NLRP13: variants seen among roughly 807,000 people sequenced by gnomAD.
NLRP13 encodes NACHT, LRR and PYD domains-containing protein 13.
A neutral mutation model predicts 94.4 loss-of-function variants in NLRP13; 82 were observed. The observed-to-expected ratio is 0.87, with a 90% CI of 0.73 to 1.04. The LOEUF (loss-of-function observed/expected upper bound fraction) is 1.04, where lower values mean the gene tolerates loss of function less well. Ranked by LOEUF, NLRP13 falls within the 50% of genes least tolerant of loss-of-function variation. The pLI, the probability that NLRP13 is intolerant of heterozygous loss-of-function variation, is 0.00. For missense variants in NLRP13, 1,426 were observed against 1,230.8 expected (o/e 1.16, Z -2.37); for synonymous variants, 553 against 464.7 (o/e 1.19, Z -2.45).
rs74834203 is a variant in NLRP13 at position 55,932,252 on chromosome 19, G to A, written c.60C>T (p.Tyr20=). 2.2e-5 allele frequency: 35 copies of A among 1,612,480 alleles called. No individual in the cohort carries two copies. In the East Asian group the frequency reaches 6.7e-4, roughly 31 times the overall value. ...NGGTNQGLLP[Y]LMALDQYQLE... ...GCTGATACTGATCCAGGGCCATCAGGTAAGGCAGAAGCCCTTGGTTGGTAC... is the reference window on the plus strand; with the variant it reads ...GCTGATACTGATCCAGGGCCATCAGATAAGGCAGAAGCCCTTGGTTGGTAC... Residue 20 remains tyrosine, a synonymous_variant, in exon 1 of 11, where the codon TAC becomes TAT. Coordinates refer to ENST00000342929, the MANE Select transcript of NLRP13 (RefSeq NM_176810.2).
intron 8 of NLRP13, among the ~76,000 whole-genome samples, chr19:55,904,173 A>T (rs1600262142): frequency 6.6e-6 from 1 of 151,976 alleles, no homozygotes; most frequent in Non-Finnish European, 1.5e-5. Flanking sequence ...GCTCACTGAA[A>T]CCTTCACCTC....
chr19:55,902,230 G>A, intron 8 of NLRP13, 25 bp from the exon 9 acceptor site: 1 of 1,608,990 alleles, frequency 6.2e-7, no homozygotes. Flanking sequence ...CCACAGAGAT[G>A]GACACTCAGG....
intron 9 of NLRP13, among the ~76,000 whole-genome samples, chr19:55,899,504 G>A (rs957443692): frequency 4.0e-5 from 6 of 151,654 alleles, no homozygotes; most frequent in South Asian, 2.1e-4. Flanking sequence ...AGGTTTGGCC[G>A]GGCACGGTGG....
Position 55,923,944 on chromosome 19 carries a change from G to A in NLRP13, c.493C>T (p.Gln165Ter), listed in dbSNP as rs769692236. ...TCCTCTAGCATCTCTGGTTCTTCTT[G>A]GTTTGGATCTTGGCATCCCTGGGCC... The part of the protein sequence containing the change: ...VQAQGCQDPN[Q>*]EEPEMLEEAD... The change falls in exon 4 of 11, where the codon CAA (glutamine) becomes TAA (stop). Residue 165 changes from glutamine to a stop codon, truncating the protein, a stop_gained. Transcript: ENST00000342929. LOFTEE classifies it high-confidence loss of function. The A allele has an allele frequency of 1.9e-6, 3 of 1,613,658 alleles. No individual in the cohort carries two copies. The highest frequency in any genetic ancestry group is 1.7e-5 in the Admixed American group (1 of 59,978).
Position 55,896,023 on chromosome 19 carries a change from A to G in NLRP13, c.3054T>C (p.Asn1018=). ...TCTTGACACCATCAGTATCCAATTC[A>G]TTGCCTAGAAGGTTCAGATTGACCA... is the stretch of plus-strand genomic sequence containing the variant. ...KSLVNLNLLG[N]ELDTDGVKML... is the part of the protein sequence containing the mutation. The change falls in exon 11 of 11, where the codon AAT becomes AAC. Residue 1018 remains asparagine, a synonymous_variant. Transcript: ENST00000342929. 2.5e-6 allele frequency: 4 copies of G among 1,614,202 alleles called. No homozygotes were observed. Among genetic ancestry groups the G allele is most frequent in the Non-Finnish European group, 2.5e-6 (3 of 1,180,012 alleles).
At chr19:55,921,994 C>T (rs1160220033) in intron 4 of NLRP13, among the ~76,000 whole-genome samples, 1 of 152,196 alleles carries the variant, frequency 6.6e-6, no homozygotes, top group Non-Finnish European at 1.5e-5. Flanking sequence ...GTTTGATGGA[C>T]TCACAGTTCC....
Position 55,929,023 on chromosome 19 carries a change from A to G in NLRP13, c.319+2970T>C, listed in dbSNP as rs142897026. Reference sequence around the variant, plus strand: ...ACATTTATGCAGCCAACAAACATGAAAAAAAGCTCATCGTCACTGGTTATT... The same window carrying G: ...ACATTTATGCAGCCAACAAACATGAGAAAAAGCTCATCGTCACTGGTTATT... On this transcript the variant is annotated intron_variant, in intron 1 of 10. Transcript: ENST00000342929. Among the ~76,000 whole-genome samples the G allele has an allele frequency of 7.3e-3, 1,117 of 152,362 alleles. 18 individuals carry two copies. Among genetic ancestry groups the G allele is most frequent in the African/African-American group, 0.025 (1,059 of 41,580 alleles).
At chr19:55,899,588 T>A (rs972261449) in intron 9 of NLRP13, among the ~76,000 whole-genome samples, 3 of 152,008 alleles carry the variant, frequency 2.0e-5, no homozygotes, top group Non-Finnish European at 4.4e-5. Context: ...GAGACCAGCC[T>A]GCCCAACATG....
intron 4 of NLRP13, among the ~76,000 whole-genome samples, chr19:55,914,708 GA>G (rs1210244187): frequency 2.0e-5 from 3 of 152,164 alleles, no homozygotes; most frequent in Non-Finnish European, 4.4e-5. Flanking sequence ...ACAAATGATA[GA>G]ATTTGTGTTG....
chr19:55,900,616 A>AAAT (rs1169660350), intron 9 of NLRP13, among the ~76,000 whole-genome samples: 1 of 151,404 alleles, frequency 6.6e-6, no homozygotes, highest in African/African-American at 2.4e-5. Flanking sequence ...CTAAAAAAAA[A>AAAT]ATACAAAAAA....
chr19:55,904,923 G>A lies in NLRP13; in HGVS notation c.2618+19C>T, dbSNP rs760731319. On this transcript the variant is annotated intron_variant, in intron 8 of 10. Coordinates refer to ENST00000342929, the MANE Select transcript of NLRP13 (RefSeq NM_176810.2). Reference sequence around the variant, plus strand: ...TGCCCATAGAGTCATATCTAGAAATGGAAGTAGGGAAAACTTACTCCAGTC... The same window carrying A: ...TGCCCATAGAGTCATATCTAGAAATAGAAGTAGGGAAAACTTACTCCAGTC... 1 of 1,604,034 alleles carries A rather than the reference G, an allele frequency of 6.2e-7. No homozygotes were observed. The highest frequency in any genetic ancestry group is 8.5e-7 in the Non-Finnish European group (1 of 1,171,910).
At position 55,927,943 on chromosome 19, in the gene NLRP13, C is replaced by A. The variant is rs141130025; in HGVS notation, c.320-2908G>T. 9.9e-5 allele frequency among the ~76,000 whole-genome samples: 15 copies of A among 152,182 alleles called. No individual in the cohort carries two copies. The East Asian group carries it at 1.9e-3, about 20-fold the overall frequency. On this transcript the variant is annotated intron_variant, in intron 1 of 10. Coordinates refer to ENST00000342929, the MANE Select transcript of NLRP13 (RefSeq NM_176810.2). ...GGGTCCCTGTATACACAGTTGTGTC[C>A]GCAAACTCACTCTCAGATGCATATC...
intron 8 of NLRP13, 97 bp downstream of exon 8, chr19:55,904,845 T>G: frequency 1.9e-6 from 2 of 1,029,932 alleles, no homozygotes; most frequent in South Asian, 2.3e-5. Context: ...GAATGTTACT[T>G]TTTAATAATA....
At chr19:55,927,185 G>A (rs113427738) in intron 1 of NLRP13, among the ~76,000 whole-genome samples, 2 of 151,958 alleles carry the variant, frequency 1.3e-5, no homozygotes, top group East Asian at 1.9e-4. Flanking sequence ...CCTGGCCAGC[G>A]TGGGGAAACC....
chr19:55,901,323 G>A (rs1296907506), intron 9 of NLRP13, among the ~76,000 whole-genome samples: 1 of 152,210 alleles, frequency 6.6e-6, no homozygotes, highest in Non-Finnish European at 1.5e-5. Flanking sequence ...CCCATTGGCT[G>A]GGGTCGGACC....
At chr19:55,897,632 C>T (rs572925950) in intron 10 of NLRP13, among the ~76,000 whole-genome samples, 1 of 152,264 alleles carries the variant, frequency 6.6e-6, no homozygotes, top group East Asian at 1.9e-4. Flanking sequence ...ATTCAGAATG[C>T]ATTTATGCCA....
chr19:55,900,239 C>T (rs302830), intron 9 of NLRP13, among the ~76,000 whole-genome samples: 86,682 of 132,096 alleles, frequency 0.66, 25,164 homozygotes, highest in Middle Eastern at 0.75. Context: ...CAAAATGAAA[C>T]AGGTTAAAAA....
chr19:55,907,548 G>C (rs113950900), intron 7 of NLRP13, among the ~76,000 whole-genome samples: 16,504 of 152,128 alleles, frequency 0.11, 1,179 homozygotes, highest in East Asian at 0.19. Context: ...CTCCAGCCCG[G>C]GGAACAGAGT....
intron 4 of NLRP13, among the ~76,000 whole-genome samples, chr19:55,916,994 CA>C (rs1376932455): frequency 6.6e-6 from 1 of 152,100 alleles, no homozygotes; most frequent in Non-Finnish European, 1.5e-5. Context: ...ACCTATGAAG[CA>C]AAACCCATCA....
Sources: allele counts gnomAD v4.1 joint callset (sites outside exome capture counted in the v4.1 genomes callset), GRCh38; gene constraint gnomAD v4.1.1; transcripts MANE v1.5; gene names NCBI Gene and HGNC (gene_info 2026-07-23, HGNC 2026-07-21).